The following CNTNAP2 variants were observed in gnomAD, a reference collection of about 807,000 sequenced individuals.
The protein encoded by CNTNAP2 is contactin associated protein 2, also known as contactin-associated protein-like 2.
A neutral mutation model predicts 155.2 loss-of-function variants in CNTNAP2; 98 were observed. The observed-to-expected ratio is 0.63, with a 90% CI of 0.54 to 0.75. The LOEUF is 0.75. Among genes scored for constraint, CNTNAP2 ranks in the 30% least tolerant of loss-of-function variants. CNTNAP2 has a pLI of 0.00. For synonymous variants in CNTNAP2, 651 were observed against 631.2 expected, an observed-to-expected ratio of 1.03 and a Z score of -0.47; for missense variants, 1,727 against 1,688.1, an observed-to-expected ratio of 1.02 and a Z score of -0.40.
At chr7:147,284,703 C>T (rs2116733044) in intron 8 of CNTNAP2, among the ~76,000 whole-genome samples, 1 of 152,020 alleles carries the variant, frequency 6.6e-6, no homozygotes, top group South Asian at 2.1e-4. Context: ...TTAACGTACT[C>T]ACCTATGGCA....
In CNTNAP2 at chr7:147,823,728, A is replaced by T. The variant is rs1243954041; in HGVS notation, c.2099-79837A>T. ...ACTTGCAAGCAAGGGCTTAAAAAAA[A>T]AAAAAATTACTGAAGCTACAGAATA... On this transcript the variant is annotated intron_variant, in intron 13 of 23. Coordinates refer to ENST00000361727, the MANE Select transcript of CNTNAP2 (RefSeq NM_014141.6). Among the ~76,000 whole-genome samples the T allele has an allele frequency of 1.3e-5, 2 of 152,162 alleles. 1 individual carries two copies. Among genetic ancestry groups the T allele is most frequent in the Non-Finnish European group, 2.9e-5 (2 of 68,012 alleles).
At chr7:146,543,957 T>C (rs1797991296) in intron 1 of CNTNAP2, among the ~76,000 whole-genome samples, 1 of 151,970 alleles carries the variant, frequency 6.6e-6, no homozygotes, top group East Asian at 1.9e-4. Flanking sequence ...CTGACTTTAT[T>C]ACACAGATCT....
intron 1 of CNTNAP2, among the ~76,000 whole-genome samples, chr7:146,412,132 C>A (rs945138332): frequency 1.8e-4 from 27 of 152,044 alleles, no homozygotes; most frequent in Non-Finnish European, 2.2e-4. Context: ...CGCGCCCGGC[C>A]AACATTGTTA....
intron 1 of CNTNAP2, among the ~76,000 whole-genome samples, chr7:146,570,174 C>T (rs2129145948): frequency 6.6e-6 from 1 of 151,956 alleles, no homozygotes; most frequent in East Asian, 1.9e-4. Context: ...CATGATGAAA[C>T]CTGAAGTGCT....
At chr7:147,342,235 G>A (rs1795778053) in intron 9 of CNTNAP2, among the ~76,000 whole-genome samples, 1 of 152,052 alleles carries the variant, frequency 6.6e-6, no homozygotes, top group African/African-American at 2.4e-5. Context: ...TTCATAGCAG[G>A]AGCAGAATGT....
chr7:147,231,190 G>T (rs923731900), intron 8 of CNTNAP2, among the ~76,000 whole-genome samples: 7 of 152,218 alleles, frequency 4.6e-5, no homozygotes, highest in Non-Finnish European at 1.0e-4. Flanking sequence ...GATGAAATTT[G>T]GGTGGGGACA....
At chr7:146,144,856 TAAAAC>T (rs994374316) in intron 1 of CNTNAP2, among the ~76,000 whole-genome samples, 6 of 152,100 alleles carry the variant, frequency 3.9e-5, no homozygotes, top group African/African-American at 1.4e-4. Flanking sequence ...AAATGGATGA[TAAAAC>T]AAAATAAGGT....
chr7:146,860,035 C>G (rs1795069257), intron 3 of CNTNAP2, among the ~76,000 whole-genome samples: 1 of 152,004 alleles, frequency 6.6e-6, no homozygotes. Flanking sequence ...AAATGTGAAA[C>G]AAGATTTTAA....
At chr7:147,554,430 G>A (rs747795251) in intron 11 of CNTNAP2, among the ~76,000 whole-genome samples, 1 of 151,758 alleles carries the variant, frequency 6.6e-6, no homozygotes, top group Admixed American at 6.6e-5. Flanking sequence ...GATTTGGGAA[G>A]GATCAAACAA....
At chr7:147,047,340 C>T (rs1436605692) in intron 4 of CNTNAP2, among the ~76,000 whole-genome samples, 3 of 141,876 alleles carry the variant, frequency 2.1e-5, no homozygotes, top group Non-Finnish European at 4.5e-5. Context: ...CCAGGATGGT[C>T]TTGATTTGCT....
At chr7:147,516,848 CTTT>C (rs1221666617) in intron 11 of CNTNAP2, among the ~76,000 whole-genome samples, 2 of 112,606 alleles carry the variant, frequency 1.8e-5, no homozygotes, top group Non-Finnish European at 1.8e-5. Context: ...TCTTTCTTTT[CTTT>C]TTTTTTTTTT....
intron 21 of CNTNAP2, 137 bp downstream of exon 21, chr7:148,267,263 G>T (rs765339995): frequency 6.4e-6 from 5 of 786,414 alleles, no homozygotes; most frequent in Admixed American, 2.0e-5. Flanking sequence ...GGAAAGTTAC[G>T]TGGTTGTTCT....
chr7:146,194,500 G>A (rs557296976), intron 1 of CNTNAP2, among the ~76,000 whole-genome samples: 10 of 152,228 alleles, frequency 6.6e-5, no homozygotes, highest in South Asian at 2.1e-4. Flanking sequence ...ACCTATCCCC[G>A]TGAGTCAATT....
rs1247976549 is a variant in CNTNAP2 at position 146,968,939 on chromosome 7, T to C, written c.403-74968T>C. On this transcript the variant is annotated intron_variant, in intron 3 of 23. Coordinates refer to ENST00000361727, the MANE Select transcript of CNTNAP2 (RefSeq NM_014141.6). Reference sequence around the variant, plus strand: ...TTTGGATCTTTCCTGCTTTCTCTTGTGGGCATTTAGTGCTATAAATTTCCC... The same window carrying C: ...TTTGGATCTTTCCTGCTTTCTCTTGCGGGCATTTAGTGCTATAAATTTCCC... 6.4e-3 allele frequency among the ~76,000 whole-genome samples: 943 copies of C among 148,158 alleles called. 3 individuals are homozygous for C. Among genetic ancestry groups the C allele is most frequent in the Non-Finnish European group, 0.011 (740 of 67,540 alleles).
rs1322748854 is a variant in CNTNAP2 at position 147,300,284 on chromosome 7, T to C, written c.1492T>C (p.Phe498Leu). Residue 498 changes from phenylalanine to leucine, a missense_variant, in exon 9 of 24, where the codon TTT becomes CTT. Phe to Leu is a conservative substitution (Grantham distance 22). Coordinates refer to ENST00000361727, the MANE Select transcript of CNTNAP2 (RefSeq NM_014141.6). ...LQVKTGEKYF[F>L]GGFLNQMNNS... ...AGTTAAAACTGGCGAGAAGTACTTTTTTGGAGGTAAGAATGCCATTCCTTT... is the reference window on the plus strand; with the variant it reads ...AGTTAAAACTGGCGAGAAGTACTTTCTTGGAGGTAAGAATGCCATTCCTTT... 1 of 1,613,786 alleles carries C rather than the reference T, an allele frequency of 6.2e-7. No homozygotes were observed. Among genetic ancestry groups the C allele is most frequent in the Non-Finnish European group, 8.5e-7 (1 of 1,179,836 alleles).
chr7:147,877,799 G>A (rs1200932589), intron 13 of CNTNAP2, among the ~76,000 whole-genome samples: 1 of 152,026 alleles, frequency 6.6e-6, no homozygotes, highest in South Asian at 2.1e-4. Flanking sequence ...CAGTTGAAAT[G>A]CATGTGGTCT....
chr7:147,267,982 G>T (rs1329515678), intron 8 of CNTNAP2, among the ~76,000 whole-genome samples: 1 of 152,072 alleles, frequency 6.6e-6, no homozygotes, highest in Non-Finnish European at 1.5e-5. Flanking sequence ...GAGAAGCAGT[G>T]GAAGGTTCCT....
intron 15 of CNTNAP2, among the ~76,000 whole-genome samples, chr7:148,096,886 C>T (rs1331170573): frequency 6.6e-6 from 1 of 152,102 alleles, no homozygotes; most frequent in East Asian, 1.9e-4. Flanking sequence ...TAATCATTAG[C>T]CAACCTGAGA....
chr7:146,753,184 A>T (rs968835987), intron 1 of CNTNAP2, among the ~76,000 whole-genome samples: 1 of 152,174 alleles, frequency 6.6e-6, no homozygotes, highest in Non-Finnish European at 1.5e-5. Context: ...TAATAAATAC[A>T]TGAAAATTCT....
Sources: allele counts gnomAD v4.1 joint callset (sites outside exome capture counted in the v4.1 genomes callset), GRCh38; gene constraint gnomAD v4.1.1; transcripts MANE v1.5; gene names NCBI Gene and HGNC (gene_info 2026-07-23, HGNC 2026-07-21).